Variants in IPMK observed in about 807,000 individuals in gnomAD.
IPMK encodes the protein inositol 1,3,4,6-tetrakisphosphate 5-kinase.
IPMK carries 17 observed loss-of-function variants against 45.8 expected under a neutral mutation model. The ratio of observed to expected loss-of-function variants is 0.37; its 90% CI spans 0.25 to 0.56. The LOEUF is 0.56. Ranked by LOEUF, IPMK falls within the 20% of genes least tolerant of loss-of-function variation. The probability of loss-of-function intolerance (pLI) is 0.79; values close to 1 mark genes in which losing one functional copy is unlikely to be tolerated. For synonymous variants in IPMK, 180 were observed against 184.3 expected, an observed-to-expected ratio of 0.98 and a Z score of 0.19; for missense variants, 399 against 498.0, an observed-to-expected ratio of 0.80 and a Z score of 1.89.
chr10:58,231,745 G>A (rs564965986), intron 2 of IPMK, among the ~76,000 whole-genome samples: 4 of 152,112 alleles, frequency 2.6e-5, no homozygotes, highest in Non-Finnish European at 5.9e-5. Flanking sequence ...ATGGACCATC[G>A]ATGCTATGAA....
In IPMK at chr10:58,193,371, C is replaced by A. The variant is rs527373382; in HGVS notation, c.*2705G>T. ...AAGTACAATCTTTCCAGACACACAA[C>A]TAATAATGAATACTGAGTTGAAATA... On this transcript the variant is annotated 3_prime_UTR_variant, in exon 6 of 6. Transcript: ENST00000373935. 1 of 151,930 alleles carries A rather than the reference C, an allele frequency of 6.6e-6. No homozygotes were observed. Among genetic ancestry groups the A allele is most frequent in the South Asian group, 2.1e-4 (1 of 4,822 alleles). 9.4% of individuals were successfully genotyped at this position (151,930 alleles called of 1,614,324 possible).
Position 58,267,596 on chromosome 10 carries a change from G to T in IPMK, c.16C>A (p.Pro6Thr). The T allele has an allele frequency of 6.2e-7, 1 of 1,601,346 alleles. No homozygotes were observed. The highest frequency in any genetic ancestry group is 2.3e-5 in the East Asian group (1 of 44,352). MATEP[P>T]SPLRVEAPGP... ...GGCGCCTCGACCCGGAGGGGGGATG[G>T]TGGCTCTGTTGCCATAACGGAGAGC... Residue 6 changes from proline (P) to threonine (T), a missense_variant, in exon 1 of 6, where the codon CCA (proline) becomes ACA (threonine). By Grantham distance (38) the Pro-to-Thr change is conservative (BLOSUM62 -1). This residue lies in a region of IPMK where 111 missense variants were observed against 99.9 expected (regional missense o/e 1.11). Transcript: ENST00000373935.
chr10:58,259,267 AAC>A (rs1839020520), intron 1 of IPMK, among the ~76,000 whole-genome samples: 2 of 152,174 alleles, frequency 1.3e-5, no homozygotes, highest in Admixed American at 1.3e-4. Context: ...AGACAGGGAA[AAC>A]ACAAAAGGAA....
At chr10:58,246,830 T>C (rs1036956423) in intron 1 of IPMK, among the ~76,000 whole-genome samples, 280 of 151,972 alleles carry the variant, frequency 1.8e-3, no homozygotes, top group Non-Finnish European at 2.9e-3. Flanking sequence ...AAAGAGCTTC[T>C]GCACAGCAAA....
At chr10:58,203,405 C>A (rs143307630) in intron 4 of IPMK, among the ~76,000 whole-genome samples, 119 of 152,364 alleles carry the variant, frequency 7.8e-4, no homozygotes, top group African/African-American at 2.9e-3. Flanking sequence ...CAGCCTCAAC[C>A]TTTTGTACTC....
At chr10:58,261,437 T>C (rs1839065153) in intron 1 of IPMK, among the ~76,000 whole-genome samples, 1 of 152,006 alleles carries the variant, frequency 6.6e-6, no homozygotes. Flanking sequence ...CTTTCAAATA[T>C]ATAATCAAAC....
chr10:58,252,928 T>A (rs1230304642), intron 1 of IPMK, among the ~76,000 whole-genome samples: 1 of 151,806 alleles, frequency 6.6e-6, no homozygotes, highest in Non-Finnish European at 1.5e-5. Flanking sequence ...ATGAGGTTTT[T>A]AACTTCAGAT....
chr10:58,204,604 G>C (rs1472379127), intron 4 of IPMK, among the ~76,000 whole-genome samples: 3 of 152,094 alleles, frequency 2.0e-5, no homozygotes, highest in Non-Finnish European at 4.4e-5. Context: ...GACTAGCCTA[G>C]GAAACAAAGT....
chr10:58,232,941 T>C (rs1287451475), intron 2 of IPMK, among the ~76,000 whole-genome samples: 1 of 151,582 alleles, frequency 6.6e-6, no homozygotes, highest in Admixed American at 6.6e-5. Flanking sequence ...GCAAGATTAA[T>C]AAAGAAGAGA....
intron 3 of IPMK, among the ~76,000 whole-genome samples, chr10:58,221,109 CT>C (rs1838326391): frequency 6.6e-6 from 1 of 152,116 alleles, no homozygotes; most frequent in Non-Finnish European, 1.5e-5. Context: ...AAGCCTTAGC[CT>C]TTAGTTATAT....
At chr10:58,225,047 A>T (rs1838392271) in intron 3 of IPMK, among the ~76,000 whole-genome samples, 1 of 152,152 alleles carries the variant, frequency 6.6e-6, no homozygotes, top group South Asian at 2.1e-4. Flanking sequence ...AGAAGTAGAA[A>T]ATCCCTTGAG....
chr10:58,199,528 T>C lies in IPMK; in HGVS notation c.547-207A>G, dbSNP rs1171844248. ...ATCCACTACTGATGAAAACTCTCTG[T>C]AATATAAGGATAGATGAATATTTCC... is the stretch of plus-strand genomic sequence containing the variant. On this transcript the variant is annotated intron_variant, in intron 4 of 5. Coordinates refer to ENST00000373935, the MANE Select transcript of IPMK (RefSeq NM_152230.5). Among the ~76,000 whole-genome samples the C allele has an allele frequency of 2.0e-5, 3 of 152,214 alleles. No individual in the cohort carries two copies. The East Asian group carries it at 5.8e-4, about 29-fold the overall frequency.
At chr10:58,255,533 G>A (rs1838952198) in intron 1 of IPMK, among the ~76,000 whole-genome samples, 2 of 152,162 alleles carry the variant, frequency 1.3e-5, no homozygotes, top group South Asian at 4.1e-4. Flanking sequence ...GGTGTATTCA[G>A]GCTGGTGCTC....
intron 4 of IPMK, among the ~76,000 whole-genome samples, chr10:58,215,401 AG>A (rs1295825106): frequency 1.0e-4 from 10 of 98,682 alleles, no homozygotes; most frequent in Non-Finnish European, 1.7e-4. Flanking sequence ...TTTTTTTGGT[AG>A]GGGGGTGGCG....
At chr10:58,239,470 G>A (rs1470914902) in intron 1 of IPMK, among the ~76,000 whole-genome samples, 1 of 152,140 alleles carries the variant, frequency 6.6e-6, no homozygotes, top group African/African-American at 2.4e-5. Context: ...CTGCCTTGGG[G>A]CAAACACCTT....
rs1837891767 is a variant in IPMK at position 58,196,295 on chromosome 10, A to G, written c.1032T>C (p.Asn344=). The G allele has an allele frequency of 1.2e-6, 2 of 1,614,104 alleles. No homozygotes were observed. Among genetic ancestry groups the G allele is most frequent in the Middle Eastern group, 1.6e-4 (1 of 6,062 alleles). The change falls in exon 6 of 6, where the codon AAT becomes AAC. Residue 344 remains asparagine, a synonymous_variant. Coordinates refer to ENST00000373935, the MANE Select transcript of IPMK (RefSeq NM_152230.5). ...GTTCCTGTGACATGCTTTTCCACCC[A>G]TTGTCTTGCTCCAGATTTTCAACTT... is the stretch of plus-strand genomic sequence containing the variant. ...SLKVENLEQD[N]GWKSMSQEHL... is the part of the protein sequence containing the mutation.
chr10:58,206,772 C>T (rs58375950), intron 4 of IPMK, among the ~76,000 whole-genome samples: 6,476 of 152,178 alleles, frequency 0.043, 175 homozygotes, highest in East Asian at 0.14. Context: ...TCTTATCCCT[C>T]ACCTGCATCC....
intron 2 of IPMK, among the ~76,000 whole-genome samples, chr10:58,232,248 C>T (rs1224783315): frequency 1.3e-5 from 2 of 152,090 alleles, no homozygotes; most frequent in Non-Finnish European, 2.9e-5. Flanking sequence ...CTTTAACACC[C>T]CACTGTCAAT....
At position 58,191,528 on chromosome 10, in the gene IPMK, A is replaced by C. The variant is rs1324796191; in HGVS notation, c.*4548T>G. On this transcript the variant is annotated 3_prime_UTR_variant, in exon 6 of 6. Transcript: ENST00000373935. Reference sequence around the variant, plus strand: ...ATTAATGAAAAAAGTTCCAATGCAAAACATTTTAATAGGTTGTCAAATATA... The same window carrying C: ...ATTAATGAAAAAAGTTCCAATGCAACACATTTTAATAGGTTGTCAAATATA... 2 of 152,134 alleles carry C rather than the reference A, an allele frequency of 1.3e-5. No homozygotes were observed. The highest frequency in any genetic ancestry group is 3.8e-4 in the East Asian group (2 of 5,198). The allele number at this position is 152,134 out of a possible 1,614,324, so 9.4% of individuals were successfully genotyped here.
Sources: allele counts gnomAD v4.1 joint callset (sites outside exome capture counted in the v4.1 genomes callset), GRCh38; gene constraint gnomAD v4.1.1; regional missense constraint gnomAD v4.1.1; transcripts MANE v1.5; gene names NCBI Gene and HGNC (gene_info 2026-07-23, HGNC 2026-07-21).